The following RANBP17 variants were observed in gnomAD, a reference collection of about 807,000 sequenced individuals.
The protein encoded by RANBP17 is RAN binding protein 17, also known as ran-binding protein 17.
RANBP17 carries 158 observed loss-of-function variants against 141.2 expected under a neutral mutation model. The ratio of observed to expected loss-of-function variants is 1.12; its 90% CI spans 0.98 to 1.28. RANBP17 has a LOEUF of 1.28. RANBP17 is among the 50% of genes most tolerant of loss of function. The pLI is 0.00. For synonymous variants in RANBP17, 430 were observed against 450.0 expected, an observed-to-expected ratio of 0.96 and a Z score of 0.56; for missense variants, 1,438 against 1,290.7, an observed-to-expected ratio of 1.11 and a Z score of -1.75.
intron 14 of RANBP17, among the ~76,000 whole-genome samples, chr5:171,043,616 G>C (rs1010193501): frequency 1.3e-5 from 2 of 152,152 alleles, no homozygotes; most frequent in Non-Finnish European, 2.9e-5. Flanking sequence ...GTTATTATTA[G>C]TGAACATGTT....
chr5:170,878,378 ACTGT>A, intron 2 of RANBP17, 135 bp downstream of exon 2: 3 of 695,330 alleles, frequency 4.3e-6, no homozygotes, highest in Non-Finnish European at 6.5e-6. Flanking sequence ...CTATAGTTTC[ACTGT>A]CAAAGGGGTT....
intron 16 of RANBP17, among the ~76,000 whole-genome samples, chr5:171,173,722 T>A (rs1273035368): frequency 6.6e-6 from 1 of 152,136 alleles, no homozygotes; most frequent in East Asian, 1.9e-4. Context: ...TGAGTGCTTT[T>A]TAAAACACAA....
intron 24 of RANBP17, among the ~76,000 whole-genome samples, chr5:171,249,144 AAGAAAGTTAC>A (rs1224956715): frequency 1.3e-5 from 2 of 152,208 alleles, no homozygotes; most frequent in African/African-American, 4.8e-5. Context: ...CTAACCCTCC[AAGAAAGTTAC>A]AGAAAGCACT....
intron 22 of RANBP17, among the ~76,000 whole-genome samples, chr5:171,237,087 C>T (rs1326164187): frequency 6.6e-6 from 1 of 152,022 alleles, no homozygotes; most frequent in Non-Finnish European, 1.5e-5. Context: ...AAAAATACAC[C>T]TGAGAGTCGG....
chr5:170,939,769 A>G (rs1340867331), intron 12 of RANBP17, among the ~76,000 whole-genome samples: 3 of 152,208 alleles, frequency 2.0e-5, no homozygotes, highest in Non-Finnish European at 4.4e-5. Context: ...GAATAAAAAC[A>G]TGAAAAGACA....
At chr5:171,090,813 G>A (rs750671134) in intron 14 of RANBP17, among the ~76,000 whole-genome samples, 11 of 152,174 alleles carry the variant, frequency 7.2e-5, no homozygotes, top group Non-Finnish European at 8.8e-5. Flanking sequence ...AAGCCTTGGC[G>A]ACTTCCACAT....
chr5:170,921,073 G>T (rs1300883064), intron 11 of RANBP17, among the ~76,000 whole-genome samples: 1 of 152,222 alleles, frequency 6.6e-6, no homozygotes, highest in East Asian at 1.9e-4. Context: ...TTCTTTTGCT[G>T]TGCAGAAGCT....
At chr5:171,059,470 T>C (rs1464065360) in intron 14 of RANBP17, among the ~76,000 whole-genome samples, 2 of 152,024 alleles carry the variant, frequency 1.3e-5, no homozygotes, top group Non-Finnish European at 2.9e-5. Context: ...GATCAGATAG[T>C]TGTAGATATG....
chr5:170,994,252 C>T (rs774832170), intron 14 of RANBP17, among the ~76,000 whole-genome samples: 6 of 151,692 alleles, frequency 4.0e-5, no homozygotes, highest in Non-Finnish European at 5.9e-5. Flanking sequence ...TAATCAAGTT[C>T]GGATATAGAA....
At chr5:171,045,482 A>G (rs2127641837) in intron 14 of RANBP17, among the ~76,000 whole-genome samples, 1 of 152,262 alleles carries the variant, frequency 6.6e-6, no homozygotes, top group Middle Eastern at 3.4e-3. Context: ...CCTCATTCTC[A>G]AAAAGAAAGA....
chr5:171,089,681 G>T (rs1476641126), intron 14 of RANBP17, among the ~76,000 whole-genome samples: 3 of 152,164 alleles, frequency 2.0e-5, no homozygotes, highest in Non-Finnish European at 4.4e-5. Flanking sequence ...TTTTAAGCCG[G>T]TCTGAAAAGC....
chr5:171,282,629 C>G (rs1767924926), intron 25 of RANBP17, among the ~76,000 whole-genome samples: 1 of 152,108 alleles, frequency 6.6e-6, no homozygotes, highest in African/African-American at 2.4e-5. Context: ...CAGGTGCGCA[C>G]CACCACTCCA....
rs374047932 is a variant in RANBP17 at position 171,219,944 on chromosome 5, A to G, written c.2340-1814A>G. ...CAGTTTTGTGCCCTTGCTGGAGAGG[A>G]GCTGTGATCATTTGGAGGAGAAGAG... On this transcript the variant is annotated intron_variant, in intron 21 of 27. Coordinates refer to ENST00000523189, the MANE Select transcript of RANBP17 (RefSeq NM_022897.5). 1.3e-3 allele frequency among the ~76,000 whole-genome samples: 194 copies of G among 151,632 alleles called. 9 individuals are homozygous for G. In the South Asian group the frequency reaches 0.039, roughly 31 times the overall value.
intron 24 of RANBP17, among the ~76,000 whole-genome samples, chr5:171,258,118 TACACACACACACACACAC>T (rs34304503): frequency 3.9e-5 from 5 of 128,286 alleles, no homozygotes; most frequent in South Asian, 2.6e-4. Flanking sequence ...AAAAAAAAAA[TACACACACACACACACAC>T]ACACACACAC....
chr5:171,111,950 G>A (rs1755261253), intron 14 of RANBP17, among the ~76,000 whole-genome samples: 1 of 152,112 alleles, frequency 6.6e-6, no homozygotes, highest in Admixed American at 6.6e-5. Flanking sequence ...AGGAAACACT[G>A]AATGAAAAAG....
chr5:171,255,433 T>TA (rs74513742), intron 24 of RANBP17, among the ~76,000 whole-genome samples: 28 of 150,658 alleles, frequency 1.9e-4, no homozygotes, highest in Admixed American at 5.9e-4. Flanking sequence ...ATTTTTGCAT[T>TA]AAAAAAAAAC....
chr5:171,296,130 T>G lies in RANBP17; in HGVS notation c.3170+116T>G. 3 of 1,046,472 alleles carry G rather than the reference T, an allele frequency of 2.9e-6. No individual in the cohort carries two copies. The Admixed American group carries it at 7.3e-5, about 25-fold the overall frequency. 64.8% of individuals were successfully genotyped at this position (1,046,472 alleles called of 1,614,324 possible). On this transcript the variant is annotated intron_variant, in intron 27 of 27. Transcript: ENST00000523189. ...TGGATGTCCCTTTTCTGTTACACCTTGTGATCCTAGACTCAGTTCCATTCC... is the reference window on the plus strand; with the variant it reads ...TGGATGTCCCTTTTCTGTTACACCTGGTGATCCTAGACTCAGTTCCATTCC...
At chr5:171,261,090 CA>C (rs11388391) in intron 24 of RANBP17, among the ~76,000 whole-genome samples, 1 of 68,488 alleles carries the variant, frequency 1.5e-5, no homozygotes, top group Non-Finnish European at 2.5e-5. Context: ...CCACCCCCCC[CA>C]AAAAAAAAAA....
chr5:170,897,359 CT>C (rs931125019), intron 5 of RANBP17: 28,328 of 338,046 alleles, frequency 0.084, no homozygotes, highest in South Asian at 0.15. Context: ...TCTTCTTCTT[CT>C]TTTTTTTTTT....
Sources: gnomAD v4.1 joint callset for allele counts (sites outside exome capture counted in the v4.1 genomes callset) on GRCh38, gnomAD v4.1.1 for gene constraint, MANE v1.5 for transcripts, NCBI Gene and HGNC (gene_info 2026-07-23, HGNC 2026-07-21) for gene names.